The following TBC1D5 variants were observed in gnomAD, a reference collection of about 807,000 sequenced individuals.
The protein encoded by TBC1D5 is TBC1 domain family, member 5.
In TBC1D5, 75 loss-of-function variants were observed where a neutral mutation model predicts 100.3. That is an observed-to-expected ratio of 0.75 (90% CI 0.62 to 0.91). The LOEUF is 0.91. TBC1D5 is among the 40% of genes least tolerant of loss of function. The pLI, the probability that TBC1D5 is intolerant of heterozygous loss-of-function variation, is 0.00. For missense variants in TBC1D5, 910 were observed against 942.4 expected (o/e 0.97, Z 0.45); for synonymous variants, 323 against 325.6 (o/e 0.99, Z 0.09).
chr3:17,595,624 G>C (rs889434041), intron 2 of TBC1D5, among the ~76,000 whole-genome samples: 4 of 152,152 alleles, frequency 2.6e-5, no homozygotes, highest in African/African-American at 9.7e-5. Flanking sequence ...ATCTTAAAAT[G>C]TAAGAATTAT....
intron 8 of TBC1D5, among the ~76,000 whole-genome samples, chr3:17,388,568 G>A (rs964001119): frequency 1.3e-5 from 2 of 151,568 alleles, no homozygotes; most frequent in African/African-American, 4.9e-5. Flanking sequence ...ATAACCATAG[G>A]CCAGGTGAAG....
chr3:17,556,099 CTGCCTCCCAGGTTTAAGTGACTCT>C (rs1370504237), intron 2 of TBC1D5, among the ~76,000 whole-genome samples: 2 of 152,138 alleles, frequency 1.3e-5, no homozygotes, highest in East Asian at 3.9e-4. Context: ...CCTGCAACCT[CTGCCTCCCAGGTTTAAGTGACTCT>C]CCTGCCTCAG....
chr3:17,579,011 T>C (rs1470328266), intron 2 of TBC1D5, among the ~76,000 whole-genome samples: 1 of 152,046 alleles, frequency 6.6e-6, no homozygotes, highest in Non-Finnish European at 1.5e-5. Context: ...ACTAGTATAC[T>C]GAATAAAGTA....
At chr3:17,462,054 T>C (rs1037634870) in intron 3 of TBC1D5, among the ~76,000 whole-genome samples, 2 of 152,138 alleles carry the variant, frequency 1.3e-5, no homozygotes, top group Non-Finnish European at 2.9e-5. Flanking sequence ...TGTTTTCTTA[T>C]GGAAAATAAA....
intron 18 of TBC1D5, among the ~76,000 whole-genome samples, chr3:17,185,791 A>C (rs2068972411): frequency 6.6e-6 from 1 of 152,132 alleles, no homozygotes; most frequent in Non-Finnish European, 1.5e-5. Context: ...GCGCTTGGAA[A>C]AGTTTTGCCT....
intron 4 of TBC1D5, among the ~76,000 whole-genome samples, chr3:17,414,317 C>T (rs1160916904): frequency 2.0e-5 from 3 of 152,060 alleles, no homozygotes; most frequent in Non-Finnish European, 2.9e-5. Context: ...AAAGTACATG[C>T]CAATATTTTT....
At chr3:17,670,444 A>T (rs2153781671) in intron 1 of TBC1D5, among the ~76,000 whole-genome samples, 1 of 152,294 alleles carries the variant, frequency 6.6e-6, no homozygotes, top group African/African-American at 2.4e-5. Flanking sequence ...TTTCTTTCCA[A>T]TTCTTCTCTG....
chr3:17,506,154 G>A (rs1185431542), intron 3 of TBC1D5, among the ~76,000 whole-genome samples: 1 of 151,976 alleles, frequency 6.6e-6, no homozygotes, highest in Non-Finnish European at 1.5e-5. Context: ...AGAAAGCCCA[G>A]GTAAGACATA....
chr3:17,598,462 T>TA lies in TBC1D5; in HGVS notation c.-36+25386dup, dbSNP rs569288331. Among the ~76,000 whole-genome samples the TA allele has an allele frequency of 1.3e-4, 20 of 152,332 alleles. No individual in the cohort carries two copies. In the South Asian group the frequency reaches 3.7e-3, roughly 28 times the overall value. On this transcript the variant is annotated intron_variant, in intron 2 of 21. Transcript: ENST00000253692. ...TCTAAATTCTCAGTTCCAGACTTCT[T>TA]ATTCTGCATCTCATTAACTACTCCT...
At chr3:17,214,933 G>C (rs965315650) in intron 17 of TBC1D5, among the ~76,000 whole-genome samples, 1 of 152,120 alleles carries the variant, frequency 6.6e-6, no homozygotes, top group Non-Finnish European at 1.5e-5. Context: ...CAAGTGCTAA[G>C]GCCCTAATGC....
At chr3:17,444,610 G>C (rs1046847984) in intron 3 of TBC1D5, among the ~76,000 whole-genome samples, 3 of 151,848 alleles carry the variant, frequency 2.0e-5, no homozygotes, top group East Asian at 1.9e-4. Flanking sequence ...GAAATAAATT[G>C]GTTGATCAAA....
At chr3:17,732,716 C>CA (rs1295083948) in intron 1 of TBC1D5, among the ~76,000 whole-genome samples, 1 of 45,120 alleles carries the variant, frequency 2.2e-5, no homozygotes, top group Non-Finnish European at 5.3e-5. Flanking sequence ...GGCTCCGTCT[C>CA]AAAAAAATAA....
intron 15 of TBC1D5, among the ~76,000 whole-genome samples, chr3:17,284,145 T>A (rs1447692042): frequency 7.0e-6 from 1 of 142,310 alleles, no homozygotes; most frequent in Non-Finnish European, 1.5e-5. Context: ...TTAGACAGAG[T>A]CTTGGTCTGT....
At chr3:17,507,879 T>C (rs903424213) in intron 3 of TBC1D5, among the ~76,000 whole-genome samples, 2 of 152,066 alleles carry the variant, frequency 1.3e-5, no homozygotes, top group African/African-American at 2.4e-5. Flanking sequence ...ACTGAGAAAA[T>C]AGTAGAGTTC....
At chr3:17,347,902 C>G (rs1000343283) in intron 13 of TBC1D5, among the ~76,000 whole-genome samples, 1 of 152,100 alleles carries the variant, frequency 6.6e-6, no homozygotes, top group Admixed American at 6.5e-5. Flanking sequence ...ACTTGGGAAG[C>G]TGACGTGGGA....
At chr3:17,537,758 A>C (rs1576584214) in intron 2 of TBC1D5, among the ~76,000 whole-genome samples, 1 of 152,372 alleles carries the variant, frequency 6.6e-6, no homozygotes, top group East Asian at 1.9e-4. Flanking sequence ...ATAAGCCTGA[A>C]TAATATTCCA....
intron 3 of TBC1D5, among the ~76,000 whole-genome samples, chr3:17,467,642 A>C (rs1163963156): frequency 6.6e-6 from 1 of 152,150 alleles, no homozygotes; most frequent in Admixed American, 6.5e-5. Flanking sequence ...AAGGAGGCTA[A>C]GGCGGGCAGA....
intron 15 of TBC1D5, among the ~76,000 whole-genome samples, chr3:17,287,147 G>A (rs1191300207): frequency 6.6e-6 from 1 of 152,164 alleles, no homozygotes; most frequent in African/African-American, 2.4e-5. Flanking sequence ...CACTGGCTGT[G>A]GCTTTTGTGG....
intron 15 of TBC1D5, among the ~76,000 whole-genome samples, chr3:17,276,263 A>T (rs2079998336): frequency 6.6e-6 from 1 of 152,160 alleles, no homozygotes; most frequent in Non-Finnish European, 1.5e-5. Context: ...TACTAATCCC[A>T]ACTATGAGGG....
Sources: allele counts gnomAD v4.1 joint callset (sites outside exome capture counted in the v4.1 genomes callset), GRCh38; gene constraint gnomAD v4.1.1; transcripts MANE v1.5; gene names NCBI Gene and HGNC (gene_info 2026-07-23, HGNC 2026-07-21).